The following ZFHX3 variants were observed in gnomAD, a reference collection of about 807,000 sequenced individuals.
The protein encoded by ZFHX3 is zinc finger homeobox protein 3.
A neutral mutation model predicts 279.1 loss-of-function variants in ZFHX3; 42 were observed. That is an observed-to-expected ratio of 0.15 (90% CI 0.12 to 0.19). The LOEUF (loss-of-function observed/expected upper bound fraction) is 0.19. ZFHX3 is among the 10% of genes least tolerant of loss of function. ZFHX3 has a pLI of 1.00. For synonymous variants in ZFHX3, 2,293 were observed against 1,957.8 expected, an observed-to-expected ratio of 1.17 and a Z score of -4.52; for missense variants, 4,981 against 4,754.0, an observed-to-expected ratio of 1.05 and a Z score of -1.40.
At chr16:73,285,978 A>G (rs2014585298) in intron 4 of ZFHX3, among the ~76,000 whole-genome samples, 1 of 152,316 alleles carries the variant, frequency 6.6e-6, no homozygotes, top group Admixed American at 6.5e-5. Context: ...CTTTTGTAAA[A>G]CGCGTATTTA....
intron 5 of ZFHX3, among the ~76,000 whole-genome samples, chr16:73,147,480 C>T (rs1402590776): frequency 1.3e-5 from 2 of 151,414 alleles, no homozygotes; most frequent in African/African-American, 2.4e-5. Context: ...ATCACGAGGT[C>T]AGGAGATCGA....
At chr16:73,179,466 G>C (rs1046062247) in intron 5 of ZFHX3, among the ~76,000 whole-genome samples, 2 of 152,116 alleles carry the variant, frequency 1.3e-5, no homozygotes, top group Non-Finnish European at 2.9e-5. Flanking sequence ...AAGATGCTGA[G>C]TGCCCAAAGA....
chr16:72,949,656 G>A (rs187968939), intron 3 of ZFHX3, among the ~76,000 whole-genome samples: 101 of 151,704 alleles, frequency 6.7e-4, no homozygotes, highest in Middle Eastern at 3.4e-3. Context: ...AAGAGGAGAA[G>A]AGACAGAGGA....
chr16:73,156,186 C>T (rs7186837), intron 5 of ZFHX3, among the ~76,000 whole-genome samples: 37,660 of 144,434 alleles, frequency 0.26, 5,005 homozygotes, highest in Admixed American at 0.36. Flanking sequence ...GAGCCAAGGG[C>T]GCACCACTGC....
intron 3 of ZFHX3, among the ~76,000 whole-genome samples, chr16:73,360,014 T>C (rs2016409881): frequency 6.6e-6 from 1 of 152,068 alleles, no homozygotes; most frequent in African/African-American, 2.4e-5. Context: ...CATAATGCAG[T>C]GATTGAGTGC....
intron 1 of ZFHX3, among the ~76,000 whole-genome samples, chr16:73,003,777 G>A (rs1304716548): frequency 2.6e-5 from 4 of 151,918 alleles, no homozygotes; most frequent in Non-Finnish European, 5.9e-5. Flanking sequence ...GTGGCATATG[G>A]TATGGTCAGA....
intron 1 of ZFHX3, among the ~76,000 whole-genome samples, chr16:73,819,964 T>A (rs1960686144): frequency 6.6e-6 from 1 of 152,190 alleles, no homozygotes; most frequent in South Asian, 2.1e-4. Context: ...TCCCACCAAC[T>A]CTTCTGCAAT....
chr16:73,557,972 G>A (rs772438423), intron 2 of ZFHX3, among the ~76,000 whole-genome samples: 1 of 152,140 alleles, frequency 6.6e-6, no homozygotes, highest in Non-Finnish European at 1.5e-5. Context: ...ATCTCAGTCT[G>A]CATCAAAGCA....
In ZFHX3 at chr16:72,787,710, GCCGCCGCCA is replaced by G. The variant is rs760306096; in HGVS notation, c.10557_10565del (p.Gly3525_Gly3527del). 8.1e-4 allele frequency: 1,117 copies of G among 1,379,626 alleles called. 23 individuals carry two copies. The highest frequency in any genetic ancestry group is 2.7e-3 in the South Asian group (130 of 47,944). 85.5% of individuals were successfully genotyped at this position (1,379,626 alleles called of 1,614,324 possible). ...AGTGGTACGAGCCGCCGCCGCCGCC[GCCGCCGCCA>G]CCGCCGCCGCCGCCGCCACTGCCAC... On this transcript the variant is annotated inframe_deletion, in exon 10 of 10. Transcript: ENST00000268489.
Position 72,794,812 on chromosome 16 carries a change from C to A in ZFHX3, c.7870G>T (p.Ala2624Ser), listed in dbSNP as rs2035842100. ...CCACTGTCGTTTTCGCCAGGGCTTG[C>A]ACTGGCCTTTTCCTCCAGCTTCCTC... is the stretch of plus-strand genomic sequence containing the variant. Reference protein sequence around the residue: ...LKRKLEEKASASPGENDSGTG... With the variant: ...LKRKLEEKASSSPGENDSGTG... Residue 2624 changes from alanine to serine, a missense_variant, in exon 9 of 10, where the codon GCA becomes TCA. Physicochemically the swap from Ala to Ser is moderately conservative, Grantham distance 99 (BLOSUM62 1). Around this residue, in one of 7 missense-constraint regions of ZFHX3, gnomAD observed 744 missense variants for 701.3 expected, o/e 1.06. Transcript: ENST00000268489. The surrounding 1 kb of genome is among the most constrained non-coding windows in gnomAD (Gnocchi z 4.2). 2 of 1,614,188 alleles carry A rather than the reference C, an allele frequency of 1.2e-6. No individual in the cohort carries two copies. Among genetic ancestry groups the A allele is most frequent in the Non-Finnish European group, 1.7e-6 (2 of 1,180,048 alleles).
chr16:73,016,024 A>C (rs1202779194), intron 1 of ZFHX3: 1 of 152,244 alleles, frequency 6.6e-6, no homozygotes, highest in Non-Finnish European at 1.5e-5. Flanking sequence ...ATCCTGCCAC[A>C]GAGCGATTTC....
At chr16:73,375,130 T>C (rs1009506589) in intron 3 of ZFHX3, among the ~76,000 whole-genome samples, 2 of 152,186 alleles carry the variant, frequency 1.3e-5, no homozygotes, top group Non-Finnish European at 2.9e-5. Flanking sequence ...TTGCATGAAT[T>C]TTCCCCCCAT....
At chr16:73,148,981 C>T (rs1399094502) in intron 5 of ZFHX3, among the ~76,000 whole-genome samples, 2 of 150,664 alleles carry the variant, frequency 1.3e-5, no homozygotes, top group African/African-American at 4.9e-5. Flanking sequence ...ATTTGCTTCA[C>T]AATTTGTTGT....
chr16:73,293,401 T>G (rs555426313), intron 4 of ZFHX3, among the ~76,000 whole-genome samples: 1 of 152,260 alleles, frequency 6.6e-6, no homozygotes, highest in South Asian at 2.1e-4. Context: ...CCATTGAAAT[T>G]TCTAGGAAGG....
At chr16:73,131,498 G>A (rs1195418710) in intron 6 of ZFHX3, among the ~76,000 whole-genome samples, 1 of 152,210 alleles carries the variant, frequency 6.6e-6, no homozygotes, top group African/African-American at 2.4e-5. Context: ...TACTGGACCA[G>A]CTAAGTCAGA....
Position 72,798,626 on chromosome 16 carries a change from G to C in ZFHX3, c.4056C>G (p.Gly1352=), listed in dbSNP as rs774600141. The C allele has an allele frequency of 6.2e-7, 1 of 1,614,060 alleles. No homozygotes were observed. The highest frequency in any genetic ancestry group is 1.7e-5 in the Admixed American group (1 of 60,014). Residue 1352 remains glycine (G), a synonymous_variant, in exon 9 of 10, where the codon GGC becomes GGG. Transcript: ENST00000268489. The part of the protein sequence containing the change: ...GDLKPSPADP[G]SVREDSGFIC... ...TGAAGCCTGAGTCTTCTCTCACAGAGCCTGGGTCAGCAGGGGATGGTTTCA... is the reference window on the plus strand; with the variant it reads ...TGAAGCCTGAGTCTTCTCTCACAGACCCTGGGTCAGCAGGGGATGGTTTCA...
rs12598968 is a variant in ZFHX3 at position 73,596,653 on chromosome 16, G to A, written c.-1547+83527C>T. Among the ~76,000 whole-genome samples the A allele has an allele frequency of 8.3e-4, 127 of 152,250 alleles. No homozygotes were observed. In the East Asian group the frequency reaches 0.024, roughly 29 times the overall value. On this transcript the variant is annotated intron_variant, in intron 2 of 17. Transcript: ENST00000641206. ...TACTCTTTTCAAAAAGCTTTCCATG[G>A]TTAGGATAAGCATTTCTCCTCTATG...
At chr16:73,669,284 C>A (rs1331603813) in intron 2 of ZFHX3, among the ~76,000 whole-genome samples, 1 of 152,184 alleles carries the variant, frequency 6.6e-6, no homozygotes, top group Non-Finnish European at 1.5e-5. Flanking sequence ...AAACTCCTGA[C>A]CTCAGGTAAT....
At chr16:73,757,665 T>G (rs969791824) in intron 1 of ZFHX3, among the ~76,000 whole-genome samples, 2 of 152,174 alleles carry the variant, frequency 1.3e-5, no homozygotes, top group Non-Finnish European at 2.9e-5. Context: ...ATTATTATTA[T>G]GTGAGGGCAT....
Sources: allele counts gnomAD v4.1 joint callset (sites outside exome capture counted in the v4.1 genomes callset), GRCh38; gene constraint gnomAD v4.1.1; regional missense constraint gnomAD v4.1.1; non-coding constraint Gnocchi (gnomAD v3.1); transcripts MANE v1.5; gene names NCBI Gene and HGNC (gene_info 2026-07-23, HGNC 2026-07-21).